FILIP1L: variants seen among roughly 807,000 people sequenced by gnomAD.
FILIP1L encodes the protein filamin A-interacting protein 1-like.
A neutral mutation model predicts 96.6 loss-of-function variants in FILIP1L; 55 were observed. The ratio of observed to expected loss-of-function variants is 0.57; its 90% confidence interval spans 0.46 to 0.71. The LOEUF (loss-of-function observed/expected upper bound fraction) is 0.71. Ranked by LOEUF, FILIP1L falls within the 30% of genes least tolerant of loss-of-function variation. FILIP1L has a pLI of 0.00. For synonymous variants in FILIP1L, 467 were observed against 473.9 expected, an observed-to-expected ratio of 0.99 and a Z score of 0.19; for missense variants, 1,304 against 1,321.2, an observed-to-expected ratio of 0.99 and a Z score of 0.20.
chr3:100,026,905 A>G (rs1304742829), intron 1 of FILIP1L, among the ~76,000 whole-genome samples: 1 of 152,114 alleles, frequency 6.6e-6, no homozygotes, highest in Non-Finnish European at 1.5e-5. Flanking sequence ...CATGAAAGCC[A>G]AGATCCTCCC....
chr3:100,061,356 T>C (rs2065562857), intron 1 of FILIP1L, among the ~76,000 whole-genome samples: 1 of 152,154 alleles, frequency 6.6e-6, no homozygotes, highest in Admixed American at 6.5e-5. Flanking sequence ...TCACAGGTGG[T>C]TGAGGACCCT....
chr3:100,107,518 A>G (rs1341095050), intron 1 of FILIP1L, among the ~76,000 whole-genome samples: 1 of 152,188 alleles, frequency 6.6e-6, no homozygotes, highest in Non-Finnish European at 1.5e-5. Context: ...ATGCTTCAGT[A>G]CAGTCTTTCT....
intron 4 of FILIP1L, among the ~76,000 whole-genome samples, chr3:99,864,440 A>C (rs1180216380): frequency 6.6e-6 from 1 of 152,188 alleles, no homozygotes; most frequent in Non-Finnish European, 1.5e-5. Context: ...AGAAACCAAA[A>C]AACTAAAATT....
At chr3:99,924,543 G>A in intron 3 of FILIP1L, 135 bp from the exon 4 acceptor site, 1 of 884,528 alleles carries the variant, frequency 1.1e-6, no homozygotes, top group Admixed American at 2.5e-5. Context: ...TTTTGAAACA[G>A]TTTTCGCTGT....
intron 1 of FILIP1L, among the ~76,000 whole-genome samples, chr3:100,104,152 G>A (rs1436252979): frequency 6.6e-6 from 1 of 152,148 alleles, no homozygotes; most frequent in African/African-American, 2.4e-5. Flanking sequence ...AATGAGAGTG[G>A]CCCTCTCTCA....
At chr3:99,986,489 A>T (rs1709345600) in intron 1 of FILIP1L, among the ~76,000 whole-genome samples, 1 of 152,208 alleles carries the variant, frequency 6.6e-6, no homozygotes, top group South Asian at 2.1e-4. Flanking sequence ...CTGAAAGTTG[A>T]TAGTGAAAGA....
chr3:100,021,296 GT>G (rs1249461657), intron 1 of FILIP1L, among the ~76,000 whole-genome samples: 2 of 152,166 alleles, frequency 1.3e-5, no homozygotes, highest in African/African-American at 4.8e-5. Flanking sequence ...CTTCTTTGGA[GT>G]TGTTAAAAAG....
At chr3:99,891,852 A>G (rs2107615276) in intron 4 of FILIP1L, among the ~76,000 whole-genome samples, 1 of 152,328 alleles carries the variant, frequency 6.6e-6, no homozygotes, top group Admixed American at 6.5e-5. Flanking sequence ...ATAAGGTCCA[A>G]CTATTAACAA....
At chr3:99,950,668 G>A (rs1014558245) in intron 1 of FILIP1L, among the ~76,000 whole-genome samples, 9 of 152,162 alleles carry the variant, frequency 5.9e-5, no homozygotes, top group Admixed American at 1.3e-4. Flanking sequence ...TCCCCAGACA[G>A]AAAGAGGAAT....
chr3:100,025,257 T>C (rs937906386), intron 1 of FILIP1L, among the ~76,000 whole-genome samples: 4 of 152,178 alleles, frequency 2.6e-5, no homozygotes, highest in African/African-American at 9.7e-5. Context: ...GCTATTTTTG[T>C]TGGTCTAAAG....
chr3:99,899,381 A>C (rs1706364404), intron 4 of FILIP1L, among the ~76,000 whole-genome samples: 3 of 152,204 alleles, frequency 2.0e-5, no homozygotes, highest in Admixed American at 2.0e-4. Context: ...TAACTAATGC[A>C]CTAGAGTTAA....
At chr3:99,982,293 G>A (rs1709148362) in intron 1 of FILIP1L, among the ~76,000 whole-genome samples, 3 of 150,700 alleles carry the variant, frequency 2.0e-5, no homozygotes, top group South Asian at 4.2e-4. Context: ...ATCTGGGGCT[G>A]TGTATTTATG....
At chr3:99,831,715 C>G (rs1942674928) in intron 5 of FILIP1L, among the ~76,000 whole-genome samples, 1 of 152,312 alleles carries the variant, frequency 6.6e-6, no homozygotes, top group South Asian at 2.1e-4. Flanking sequence ...TTGGGATCGT[C>G]TTTAAATTGT....
chr3:100,106,857 G>A (rs2066404153), intron 1 of FILIP1L, among the ~76,000 whole-genome samples: 1 of 152,090 alleles, frequency 6.6e-6, no homozygotes, highest in South Asian at 2.1e-4. Context: ...AGGTTATATT[G>A]TTGCTTTTTA....
intron 4 of FILIP1L, among the ~76,000 whole-genome samples, chr3:99,891,211 T>C (rs937521704): frequency 1.3e-5 from 2 of 152,128 alleles, no homozygotes; most frequent in Non-Finnish European, 2.9e-5. Context: ...CCTTTAGAGG[T>C]TGATTTTGTT....
chr3:99,842,822 G>A (rs1943194724), intron 5 of FILIP1L, among the ~76,000 whole-genome samples: 2 of 152,188 alleles, frequency 1.3e-5, no homozygotes, highest in Admixed American at 1.3e-4. Flanking sequence ...AGATTTGTAA[G>A]TGCTCCCATG....
chr3:99,933,289 T>C (rs981877509), intron 1 of FILIP1L, among the ~76,000 whole-genome samples: 3 of 152,192 alleles, frequency 2.0e-5, no homozygotes, highest in African/African-American at 7.2e-5. Flanking sequence ...ACGGTATAGA[T>C]GAACAATGAT....
chr3:100,063,736 A>G lies in FILIP1L; in HGVS notation c.-11+50317T>C, dbSNP rs183912909. The stretch of plus-strand genomic sequence containing the variant: ...TCTAGTTTGCAAGGTTGCAAGAAAA[A>G]AAGTCAACCTGAATAAAATTTCATA... On this transcript the variant is annotated intron_variant, in intron 1 of 5. Transcript: ENST00000477258. Among the ~76,000 whole-genome samples, 603 of 152,332 alleles carry G rather than the reference A, an allele frequency of 4.0e-3. 4 individuals carry two copies. The highest frequency in any genetic ancestry group is 0.013 in the African/African-American group (560 of 41,578).
At chr3:100,078,873 A>G (rs1200841708) in intron 1 of FILIP1L, among the ~76,000 whole-genome samples, 1 of 152,186 alleles carries the variant, frequency 6.6e-6, no homozygotes, top group Non-Finnish European at 1.5e-5. Context: ...CCTGAGCGAC[A>G]GAGTGGGACT....
Sources: allele counts gnomAD v4.1 joint callset (sites outside exome capture counted in the v4.1 genomes callset), GRCh38; gene constraint gnomAD v4.1.1; transcripts MANE v1.5; gene names NCBI Gene and HGNC (gene_info 2026-07-23, HGNC 2026-07-21).